SPHKAP: variants seen among roughly 807,000 people sequenced by gnomAD.
SPHKAP encodes SPHK1 interactor, AKAP domain containing, also known as A-kinase anchor protein SPHKAP.
Under a neutral mutation model 137.5 loss-of-function variants are expected in SPHKAP, and 67 were observed. That is an observed-to-expected ratio of 0.49 (90% confidence interval 0.40 to 0.60). The LOEUF (loss-of-function observed/expected upper bound fraction) is 0.60, where lower values mean the gene tolerates loss of function less well. Among genes scored for constraint, SPHKAP ranks in the 20% least tolerant of loss-of-function variants. The pLI is 0.00. For synonymous variants in SPHKAP, 813 were observed against 785.3 expected, an observed-to-expected ratio of 1.04 and a Z score of -0.59; for missense variants, 2,097 against 2,069.3, an observed-to-expected ratio of 1.01 and a Z score of -0.26.
At position 228,017,512 on chromosome 2, in the gene SPHKAP, G is replaced by A. The variant is rs752563447; in HGVS notation, c.3342C>T (p.Ser1114=). 3.1e-6 allele frequency: 5 copies of A among 1,613,408 alleles called. No homozygotes were observed. Among genetic ancestry groups the A allele is most frequent in the South Asian group, 1.1e-5 (1 of 90,972 alleles). The change falls in exon 7 of 12, where the codon AGC becomes AGT. Residue 1114 remains serine (S), a synonymous_variant. Transcript: ENST00000392056. The stretch of plus-strand genomic sequence containing the variant: ...CACAGCTCGACTGCTTGGAGACAGA[G>A]CTGGCCCTGCTGACCGGCTGGCTCA... ...STLSQPVSRA[S]SVSKQSSCES...
chr2:228,073,551 T>C (rs1455348984), intron 3 of SPHKAP, among the ~76,000 whole-genome samples: 1 of 152,224 alleles, frequency 6.6e-6, no homozygotes, highest in Non-Finnish European at 1.5e-5. Flanking sequence ...TGCCTGCCTC[T>C]CAGGAAGGGC....
Position 228,019,726 on chromosome 2 carries a change from G to A in SPHKAP, c.1128C>T (p.Asn376=), listed in dbSNP as rs769535171. 48 of 1,614,058 alleles carry A rather than the reference G, an allele frequency of 3.0e-5. No homozygotes were observed. Among genetic ancestry groups the A allele is most frequent in the Admixed American group, 1.8e-4 (11 of 60,010 alleles). The stretch of plus-strand genomic sequence containing the variant: ...CTCCATCTTGTCTAGGAGGGAGAGC[G>A]TTTCTTGTGTCTTCATGGTCTCCTG... ...LNPGDHEDTR[N]ALPPRQDGEV... is the part of the protein sequence containing the mutation. The change falls in exon 7 of 12, where the codon AAC becomes AAT. Residue 376 remains asparagine, a synonymous_variant. Coordinates refer to ENST00000392056, the MANE Select transcript of SPHKAP (RefSeq NM_001142644.2).
intron 3 of SPHKAP, among the ~76,000 whole-genome samples, chr2:228,039,468 C>T (rs931187120): frequency 6.6e-6 from 1 of 152,022 alleles, no homozygotes; most frequent in Non-Finnish European, 1.5e-5. Flanking sequence ...GGTTATTAGC[C>T]AAGTAATCAC....
chr2:228,176,087 T>C (rs1200167355), intron 1 of SPHKAP, among the ~76,000 whole-genome samples: 1 of 152,204 alleles, frequency 6.6e-6, no homozygotes, highest in East Asian at 1.9e-4. Context: ...ATGATGAAAA[T>C]AAAGCACAGA....
At chr2:228,149,516 C>T (rs1325845112) in intron 1 of SPHKAP, among the ~76,000 whole-genome samples, 1 of 152,094 alleles carries the variant, frequency 6.6e-6, no homozygotes, top group Non-Finnish European at 1.5e-5. Flanking sequence ...ATATCAGAGA[C>T]ATAAAGGCAG....
intron 1 of SPHKAP, among the ~76,000 whole-genome samples, chr2:228,165,102 T>G (rs772219694): frequency 1.3e-5 from 2 of 152,164 alleles, no homozygotes; most frequent in African/African-American, 2.4e-5. Flanking sequence ...CTTATATCTA[T>G]TTTATATTAG....
chr2:228,159,680 T>C (rs984479333), intron 1 of SPHKAP, among the ~76,000 whole-genome samples: 2 of 152,208 alleles, frequency 1.3e-5, no homozygotes, highest in Admixed American at 6.5e-5. Flanking sequence ...GATCTGGGCC[T>C]AGAGTCAGGA....
At chr2:228,004,239 G>T (rs972693709) in intron 7 of SPHKAP, among the ~76,000 whole-genome samples, 6 of 152,148 alleles carry the variant, frequency 3.9e-5, no homozygotes, top group East Asian at 1.9e-4. Context: ...CAATTTCAGA[G>T]CCTGTTATTG....
At chr2:228,079,470 T>C (rs1325347884) in intron 3 of SPHKAP, among the ~76,000 whole-genome samples, 2 of 152,182 alleles carry the variant, frequency 1.3e-5, no homozygotes, top group South Asian at 4.1e-4. Context: ...CTGGACCCCA[T>C]GGAGTGAGGT....
At chr2:228,073,289 A>G (rs1361316245) in intron 3 of SPHKAP, among the ~76,000 whole-genome samples, 2 of 152,228 alleles carry the variant, frequency 1.3e-5, no homozygotes, top group African/African-American at 4.8e-5. Context: ...TTCAAATTGA[A>G]TAAGTGTTGG....
intron 1 of SPHKAP, among the ~76,000 whole-genome samples, chr2:228,136,801 G>A (rs1246278782): frequency 6.6e-6 from 1 of 152,154 alleles, no homozygotes; most frequent in Non-Finnish European, 1.5e-5. Flanking sequence ...CTGATACTGA[G>A]AAAAATAGAT....
intron 7 of SPHKAP, among the ~76,000 whole-genome samples, chr2:228,000,270 A>C (rs1405046260): frequency 6.6e-6 from 1 of 152,166 alleles, no homozygotes; most frequent in Non-Finnish European, 1.5e-5. Context: ...ACCTGAGGTC[A>C]GGAGTTCAAG....
At chr2:228,105,596 A>T (rs1424753923) in intron 3 of SPHKAP, among the ~76,000 whole-genome samples, 2 of 152,186 alleles carry the variant, frequency 1.3e-5, no homozygotes, top group Non-Finnish European at 2.9e-5. Flanking sequence ...CCAAAATCTC[A>T]TCTTGAATTG....
intron 3 of SPHKAP, among the ~76,000 whole-genome samples, chr2:228,106,276 C>T (rs910557027): frequency 1.3e-5 from 2 of 152,160 alleles, no homozygotes; most frequent in African/African-American, 4.8e-5. Context: ...CATCTAAACA[C>T]TAGAAGTTCA....
At chr2:228,104,128 T>C (rs1191466084) in intron 3 of SPHKAP, among the ~76,000 whole-genome samples, 1 of 150,212 alleles carries the variant, frequency 6.7e-6, no homozygotes, top group Non-Finnish European at 1.5e-5. Flanking sequence ...CACTAACAGC[T>C]TCTTGAAAAC....
chr2:228,076,700 A>C (rs1697194289), intron 3 of SPHKAP, among the ~76,000 whole-genome samples: 1 of 152,238 alleles, frequency 6.6e-6, no homozygotes, highest in Admixed American at 6.5e-5. Flanking sequence ...ATTCAGTGCC[A>C]AAAGAGAAAC....
At chr2:228,092,483 A>G (rs367926833) in intron 3 of SPHKAP, among the ~76,000 whole-genome samples, 4 of 51,108 alleles carry the variant, frequency 7.8e-5, no homozygotes, top group African/African-American at 1.9e-4. Flanking sequence ...ATATGTATAC[A>G]TATATGTGCC....
chr2:228,036,844 G>A (rs1009995906), intron 3 of SPHKAP, among the ~76,000 whole-genome samples: 2 of 151,944 alleles, frequency 1.3e-5, no homozygotes, highest in Admixed American at 1.3e-4. Flanking sequence ...GAGAACACAT[G>A]GGCACAGGAA....
intron 10 of SPHKAP, 40 bp from the exon 11 acceptor site, chr2:227,991,224 A>G: frequency 6.2e-7 from 1 of 1,614,122 alleles, no homozygotes; most frequent in Non-Finnish European, 8.5e-7. Flanking sequence ...CTTCTTTCCA[A>G]AGGGACAGCC....
Sources: allele counts gnomAD v4.1 joint callset (sites outside exome capture counted in the v4.1 genomes callset), GRCh38; gene constraint gnomAD v4.1.1; transcripts MANE v1.5; gene names NCBI Gene and HGNC (gene_info 2026-07-23, HGNC 2026-07-21).